CFAP92: variants seen among roughly 807,000 people sequenced by gnomAD.
CFAP92 encodes the protein cilia and flagella associated protein 92 (putative).
In CFAP92, 86 loss-of-function variants were observed where a neutral mutation model predicts 106.3. That is an observed-to-expected ratio of 0.81 (90% CI 0.68 to 0.97). The LOEUF is 0.97. Among genes scored for constraint, CFAP92 ranks in the 50% least tolerant of loss-of-function variants. CFAP92 has a pLI of 0.00. For missense variants in CFAP92, 1,204 were observed against 1,283.8 expected (o/e 0.94, Z 0.95); for synonymous variants, 477 against 506.4 (o/e 0.94, Z 0.78).
intron 12 of CFAP92, among the ~76,000 whole-genome samples, chr3:128,920,232 T>TAATTA (rs1937156204): frequency 6.6e-6 from 1 of 152,138 alleles, no homozygotes; most frequent in South Asian, 2.1e-4. Flanking sequence ...GGTGAAACCC[T>TAATTA]GTTTCTACTA....
the CFAP92 span, among the ~76,000 whole-genome samples, chr3:129,019,254 A>T: frequency 6.6e-6 from 1 of 152,032 alleles, no homozygotes; most frequent in African/African-American, 2.4e-5. Flanking sequence ...TTTTGTTTTA[A>T]TTGTATCTTT....
intron 15 of CFAP92, chr3:128,910,625 C>T: frequency 1.8e-6 from 2 of 1,127,452 alleles, no homozygotes; most frequent in Non-Finnish European, 2.7e-6. Context: ...GACTCCTGTG[C>T]CAGGCCTTGT....
chr3:128,954,550 A>G (rs1237450552), intron 9 of CFAP92, among the ~76,000 whole-genome samples: 4 of 37,436 alleles, frequency 1.1e-4, no homozygotes, highest in African/African-American at 4.8e-4. Context: ...CAGCCGCCCC[A>G]TCCGGGAGGG....
At chr3:128,914,206 T>G (rs1201062290) in intron 15 of CFAP92, among the ~76,000 whole-genome samples, 1 of 152,170 alleles carries the variant, frequency 6.6e-6, no homozygotes, top group Non-Finnish European at 1.5e-5. Context: ...GAAGCCTTCT[T>G]ACCAAGGAAA....
At chr3:128,966,481 T>C (rs1194578341) in intron 8 of CFAP92, 1 of 152,226 alleles carries the variant, frequency 6.6e-6, no homozygotes, top group African/African-American at 2.4e-5. Context: ...AGGGTGGTTT[T>C]GCACTAGTGC....
chr3:128,956,398 T>C (rs1410798671), intron 9 of CFAP92, among the ~76,000 whole-genome samples: 1 of 151,830 alleles, frequency 6.6e-6, no homozygotes, highest in Non-Finnish European at 1.5e-5. Flanking sequence ...CTGAAAAGTA[T>C]TCCAATAAAT....
Position 128,977,155 on chromosome 3 carries a change from GTCTCTAT to G in CFAP92, c.809-96_809-90del. 4.1e-6 allele frequency: 4 copies of G among 975,664 alleles called. No homozygotes were observed. In the East Asian group the frequency reaches 9.9e-5, roughly 24 times the overall value. The allele number at this position is 975,664 out of a possible 1,614,324, so 60.4% of individuals were successfully genotyped here. On this transcript the variant is annotated intron_variant, in intron 5 of 15. Transcript: ENST00000645291. ...CCCCTGACCCATTTCTGTAATGTCA[GTCTCTAT>G]GCAGAAGGCCTGGGATGTGGTAAGG...
At chr3:128,956,196 T>TAAATAAAAAAAAAAA (rs1941372225) in intron 9 of CFAP92, among the ~76,000 whole-genome samples, 2 of 61,706 alleles carry the variant, frequency 3.2e-5, no homozygotes, top group African/African-American at 1.8e-4. Context: ...AAAAAAAAAA[T>TAAATAAAAAAAAAAA]AAAAAAAAAA....
At chr3:128,983,251 C>T (rs1943640050) in intron 4 of CFAP92, among the ~76,000 whole-genome samples, 1 of 152,296 alleles carries the variant, frequency 6.6e-6, no homozygotes, top group Non-Finnish European at 1.5e-5. Flanking sequence ...GCACACATGT[C>T]TGGGATAGGC....
At chr3:128,988,997 T>A in intron 2 of CFAP92, 79 bp from the exon 3 acceptor site, 1 of 1,138,994 alleles carries the variant, frequency 8.8e-7, no homozygotes, top group Non-Finnish European at 1.3e-6. Flanking sequence ...CCCTGGAGCT[T>A]GATGTTGTGA....
Position 128,909,876 on chromosome 3 carries a change from C to A in CFAP92, c.*423G>T. ...AGAAGGTGGCTGGGAGCCGTTCTCC[C>A]ACAACCTGAAGAGAAAGGTGTTATT... On this transcript the variant is annotated 3_prime_UTR_variant, in exon 16 of 16. Transcript: ENST00000645291. 1 of 1,199,494 alleles carries A rather than the reference C, an allele frequency of 8.3e-7. No individual in the cohort carries two copies. The highest frequency in any genetic ancestry group is 1.2e-6 in the Non-Finnish European group (1 of 831,140). 74.3% of individuals were successfully genotyped at this position (1,199,494 alleles called of 1,614,324 possible). A position where few individuals can be genotyped will look rare whatever the true frequency, so the allele number is the denominator to read the frequency against.
chr3:128,984,653 C>A (rs1943738792), intron 4 of CFAP92, among the ~76,000 whole-genome samples: 1 of 152,176 alleles, frequency 6.6e-6, no homozygotes, highest in Non-Finnish European at 1.5e-5. Flanking sequence ...GGGACTTCAC[C>A]TTGTGATCAT....
rs1359587654 is a variant in CFAP92, at chr3:128,993,157, G to A, written c.148C>T (p.Arg50Cys). 2 of 1,614,066 alleles carry A rather than the reference G, an allele frequency of 1.2e-6. No individual in the cohort carries two copies. Among genetic ancestry groups the A allele is most frequent in the African/African-American group, 2.7e-5 (2 of 75,070 alleles). Residue 50 changes from arginine to cysteine, a missense_variant, in exon 2 of 16, where the codon CGC becomes TGC. By Grantham distance (180) the Arg-to-Cys change is radical. Transcript: ENST00000645291. ...KARAQESDSD[R>C]PCSSIESSSE... ...GAGGACTCGATGCTGCTGCACGGGC[G>A]GTCAGAGTCAGACTCCTGGGCCCTG... is the stretch of plus-strand genomic sequence containing the variant.
chr3:128,973,056 G>A (rs945509309), intron 7 of CFAP92, among the ~76,000 whole-genome samples: 26 of 152,008 alleles, frequency 1.7e-4, no homozygotes, highest in Non-Finnish European at 2.9e-5. Context: ...AATAATTGGT[G>A]TACAAAACAA....
chr3:129,001,262 A>T (rs1944725043), intron 1 of CFAP92, among the ~76,000 whole-genome samples: 1 of 151,812 alleles, frequency 6.6e-6, no homozygotes, highest in African/African-American at 2.4e-5. Flanking sequence ...CGGAGGGAGG[A>T]GGGAGTTGAG....
intron 9 of CFAP92, among the ~76,000 whole-genome samples, chr3:128,947,916 A>C (rs998788991): frequency 6.6e-6 from 1 of 152,156 alleles, no homozygotes; most frequent in Non-Finnish European, 1.5e-5. Flanking sequence ...GAAAAAAAAA[A>C]TCCTTCTGAC....
chr3:129,016,198 A>T, the CFAP92 span, among the ~76,000 whole-genome samples: 2 of 152,178 alleles, frequency 1.3e-5, no homozygotes, highest in Non-Finnish European at 2.9e-5. Context: ...ACACTAAGCT[A>T]CAGTTGCTGT....
intron 1 of CFAP92, among the ~76,000 whole-genome samples, chr3:128,999,519 T>C (rs1240233939): frequency 7.2e-6 from 1 of 139,568 alleles, no homozygotes; most frequent in East Asian, 2.1e-4. Flanking sequence ...TGACATGAAA[T>C]AAAATCAGGT....
intron 4 of CFAP92, among the ~76,000 whole-genome samples, chr3:128,981,038 C>CT (rs533356293): frequency 0.014 from 2,002 of 139,490 alleles, 31 homozygotes; most frequent in African/African-American, 0.038. Context: ...CTTTTTCTTT[C>CT]TTTTTTTTTT....
Sources: allele counts gnomAD v4.1 joint callset (sites outside exome capture counted in the v4.1 genomes callset), GRCh38; gene constraint gnomAD v4.1.1; transcripts MANE v1.5; gene names NCBI Gene and HGNC (gene_info 2026-07-23, HGNC 2026-07-21).